SEC63: variants seen among roughly 807,000 people sequenced by gnomAD.
SEC63 encodes SEC63 protein translocation regulator.
In SEC63, 56 loss-of-function variants were observed where a neutral mutation model predicts 116.2. The ratio of observed to expected loss-of-function variants is 0.48; its 90% CI spans 0.39 to 0.60. SEC63 has a LOEUF of 0.60. Ranked by LOEUF, SEC63 falls within the 20% of genes least tolerant of loss-of-function variation. SEC63 has a pLI of 0.00. For synonymous variants in SEC63, 273 were observed against 294.6 expected (o/e 0.93, Z 0.75); for missense variants, 668 against 900.0 (o/e 0.74, Z 3.30).
At chr6:107,911,161 G>A in intron 7 of SEC63, 185 bp downstream of exon 7, 1 of 606,088 alleles carries the variant, frequency 1.6e-6, no homozygotes, top group Non-Finnish European at 2.9e-6. Flanking sequence ...GTGGGGTCAT[G>A]GCTCACCGCA....
intron 15 of SEC63, 54 bp from the exon 16 acceptor site, chr6:107,893,709 G>T: frequency 6.2e-7 from 1 of 1,606,668 alleles, no homozygotes; most frequent in Non-Finnish European, 8.5e-7. Context: ...TTCAATTGAA[G>T]GTTGTAGTAA....
At chr6:107,939,384 T>TA in intron 1 of SEC63, among the ~76,000 whole-genome samples, 1 of 152,360 alleles carries the variant, frequency 6.6e-6, no homozygotes, top group East Asian at 1.9e-4. Context: ...AGCTGCAGAT[T>TA]AGCTTATTCG....
intron 8 of SEC63, among the ~76,000 whole-genome samples, chr6:107,907,892 C>A (rs1787179950): frequency 6.6e-6 from 1 of 152,116 alleles, no homozygotes. Context: ...AAGGATACCA[C>A]CCTCAGAAAA....
At chr6:107,913,799 C>G (rs1787339520) in intron 4 of SEC63, among the ~76,000 whole-genome samples, 1 of 152,118 alleles carries the variant, frequency 6.6e-6, no homozygotes, top group Non-Finnish European at 1.5e-5. Context: ...ATATATTTTC[C>G]AAAATTTCTT....
chr6:107,957,792 G>A lies in SEC63; in HGVS notation c.124+94C>T, dbSNP rs58259286. 5,622 of 1,275,484 alleles carry A rather than the reference G, an allele frequency of 4.4e-3. 197 individuals are homozygous for A. In the African/African-American group the frequency reaches 0.079, roughly 18 times the overall value. 79.0% of individuals were successfully genotyped at this position (1,275,484 alleles called of 1,614,324 possible). ...CCGCACCGTCCCTGTCATCCCGGAC[G>A]CCGCGGGCTGGGGCCGGGCAAGCGG... On this transcript the variant is annotated intron_variant, in intron 1 of 20. Transcript: ENST00000369002.
In SEC63 at chr6:107,893,903, G is replaced by T. The variant is rs1786754102; in HGVS notation, c.1441-6C>A. On this transcript the variant is annotated splice_polypyrimidine_tract_variant and splice_region_variant and intron_variant, in intron 14 of 20. Transcript: ENST00000369002. ...TGCTCCTTTTCAAATACTTCCTGGG[G>T]GGCGGCAAGAAGAGAAATACAAAAT... 1 of 1,613,812 alleles carries T rather than the reference G, an allele frequency of 6.2e-7. No homozygotes were observed. The highest frequency in any genetic ancestry group is 8.5e-7 in the Non-Finnish European group (1 of 1,179,890).
At chr6:107,887,430 G>A (rs1333684201) in intron 16 of SEC63, among the ~76,000 whole-genome samples, 2 of 146,310 alleles carry the variant, frequency 1.4e-5, no homozygotes, top group Non-Finnish European at 1.5e-5. Flanking sequence ...AAAAAATGAT[G>A]AGTTCATGTC....
At chr6:107,912,827 A>G in intron 5 of SEC63, 53 bp from the exon 6 acceptor site, 2 of 1,201,336 alleles carry the variant, frequency 1.7e-6, no homozygotes, top group Non-Finnish European at 2.4e-6. Context: ...CAGTTTTAAT[A>G]AATACATTAA....
intron 13 of SEC63, among the ~76,000 whole-genome samples, chr6:107,901,140 G>C (rs1786990700): frequency 6.6e-6 from 1 of 152,182 alleles, no homozygotes; most frequent in African/African-American, 2.4e-5. Flanking sequence ...AGAGTGTTCA[G>C]ACTTCATCCC....
chr6:107,893,332 T>A, intron 16 of SEC63, 150 bp downstream of exon 16: 1 of 692,796 alleles, frequency 1.4e-6, no homozygotes, highest in South Asian at 1.8e-5. Flanking sequence ...GATGAAGGGC[T>A]CACTGACTGA....
chr6:107,928,113 T>G (rs1430775774), intron 2 of SEC63, among the ~76,000 whole-genome samples: 1 of 152,030 alleles, frequency 6.6e-6, no homozygotes, highest in East Asian at 1.9e-4. Flanking sequence ...TTTTCAAGAC[T>G]AACTTTGCCT....
rs947831479 is a variant in SEC63 at position 107,906,928 on chromosome 6, C to A, written c.734-151G>T. ...GAACTCCACTGACAAGTATTTATTTCTTCCATAAAAAAAGTAACATCTCGC... is the reference window on the plus strand; with the variant it reads ...GAACTCCACTGACAAGTATTTATTTATTCCATAAAAAAAGTAACATCTCGC... On this transcript the variant is annotated intron_variant, in intron 8 of 20. Coordinates refer to ENST00000369002, the MANE Select transcript of SEC63 (RefSeq NM_007214.5). 1.2e-5 allele frequency: 8 copies of A among 670,712 alleles called. No individual in the cohort carries two copies. In the African/African-American group the frequency reaches 1.5e-4, roughly 12 times the overall value. 41.5% of individuals were successfully genotyped at this position (670,712 alleles called of 1,614,324 possible).
chr6:107,896,518 C>CA (rs1786835629), intron 14 of SEC63, among the ~76,000 whole-genome samples: 1 of 151,994 alleles, frequency 6.6e-6, no homozygotes, highest in South Asian at 2.1e-4. Flanking sequence ...CTGGATTTAA[C>CA]AAAAAAGCAT....
intron 1 of SEC63, among the ~76,000 whole-genome samples, chr6:107,938,247 A>T (rs1399171920): frequency 3.0e-5 from 4 of 133,982 alleles, no homozygotes; most frequent in African/African-American, 5.6e-5. Flanking sequence ...TGGTGAGTTA[A>T]TTTTTTTTTT....
intron 16 of SEC63, among the ~76,000 whole-genome samples, chr6:107,886,828 G>A (rs935021626): frequency 7.0e-6 from 1 of 142,830 alleles, no homozygotes; most frequent in Non-Finnish European, 1.5e-5. Flanking sequence ...TCTGATGATA[G>A]TTTTTTGTTT....
chr6:107,934,482 C>T (rs1419356155), intron 1 of SEC63, among the ~76,000 whole-genome samples: 5 of 142,554 alleles, frequency 3.5e-5, no homozygotes, highest in Non-Finnish European at 7.7e-5. Context: ...TCTGCCCGGC[C>T]GCTCCATCTG....
chr6:107,882,854 A>G, intron 17 of SEC63, 134 bp downstream of exon 17: 2 of 597,492 alleles, frequency 3.3e-6, no homozygotes, highest in South Asian at 2.3e-5. Flanking sequence ...AAGTAATAAA[A>G]TTATAAAATA....
At chr6:107,888,578 CTT>C (rs768020800) in intron 16 of SEC63, among the ~76,000 whole-genome samples, 19 of 152,156 alleles carry the variant, frequency 1.2e-4, no homozygotes, top group African/African-American at 1.7e-4. Flanking sequence ...ACTGAACACT[CTT>C]TATTTCTTTC....
Position 107,906,789 on chromosome 6 carries a change from A to G in SEC63, c.734-12T>C. Reference sequence around the variant, plus strand: ...AACCATGATAAGACCTAACAAAACAAAAGAAATATGAAGGTAAATAAATAT... The same window carrying G: ...AACCATGATAAGACCTAACAAAACAGAAGAAATATGAAGGTAAATAAATAT... On this transcript the variant is annotated splice_polypyrimidine_tract_variant and intron_variant, in intron 8 of 20. Coordinates refer to ENST00000369002, the MANE Select transcript of SEC63 (RefSeq NM_007214.5). 6 of 1,582,612 alleles carry G rather than the reference A, an allele frequency of 3.8e-6. No individual in the cohort carries two copies. Among genetic ancestry groups the G allele is most frequent in the Non-Finnish European group, 5.2e-6 (6 of 1,151,418 alleles).
Sources: allele counts gnomAD v4.1 joint callset (sites outside exome capture counted in the v4.1 genomes callset), GRCh38; gene constraint gnomAD v4.1.1; transcripts MANE v1.5; gene names NCBI Gene and HGNC (gene_info 2026-07-23, HGNC 2026-07-21).